The following PML variants were observed in gnomAD, a reference collection of about 807,000 sequenced individuals.
The protein encoded by PML is protein PML.
Under a neutral mutation model 65.2 loss-of-function variants are expected in PML, and 28 were observed. That is an observed-to-expected ratio of 0.43 (90% CI 0.32 to 0.59). The LOEUF is 0.59. Among genes scored for constraint, PML ranks in the 20% least tolerant of loss-of-function variants. The pLI, the probability that PML is intolerant of heterozygous loss-of-function variation, is 0.08. For synonymous variants in PML, 500 were observed against 508.8 expected (o/e 0.98, Z 0.23); for missense variants, 1,021 against 1,203.4 (o/e 0.85, Z 2.24).
At position 74,036,313 on chromosome 15, in the gene PML, G is replaced by A. The variant is rs573127760; in HGVS notation, c.1710+1783G>A. The A allele has an allele frequency of 5.6e-6, 8 of 1,437,106 alleles. No individual in the cohort carries two copies. The Admixed American group carries it at 1.6e-4, about 29-fold the overall frequency. 89.0% of individuals were successfully genotyped at this position (1,437,106 alleles called of 1,614,324 possible). A position where few individuals can be genotyped will look rare whatever the true frequency, so the allele number is the denominator to read the frequency against. On this transcript the variant is annotated intron_variant, in intron 7 of 8. Coordinates refer to ENST00000268058, the MANE Select transcript of PML (RefSeq NM_033238.3). ...AGCCTCTCCACTAGGCCTCTGCCAG[G>A]ATCTAAGCCCATGAGCACAGGGACT...
rs549868036 is a variant in PML, at chr15:74,039,116, A to AG, written c.1711-3868dup. Among the ~76,000 whole-genome samples the AG allele has an allele frequency of 2.4e-4, 36 of 152,274 alleles. 1 individual carries two copies. The South Asian group carries it at 7.5e-3, about 32-fold the overall frequency. ...GCAGCAACAGGAGGGGGCCAAGGTGAGGGGGCAGCCTGTGGCAGAAGTGGC... is the reference window on the plus strand; with the variant it reads ...GCAGCAACAGGAGGGGGCCAAGGTGAGGGGGGCAGCCTGTGGCAGAAGTGGC... On this transcript the variant is annotated intron_variant, in intron 7 of 8. Transcript: ENST00000268058.
intron 2 of PML, among the ~76,000 whole-genome samples, chr15:74,012,792 T>C (rs1203804371): frequency 6.6e-6 from 1 of 150,988 alleles, no homozygotes; most frequent in African/African-American, 2.4e-5. Flanking sequence ...GTATTTTGAT[T>C]GAGCTCTTAA....
At chr15:74,036,336 A>G (rs1385731575) in intron 7 of PML, 2 of 1,419,162 alleles carry the variant, frequency 1.4e-6, no homozygotes, top group South Asian at 1.5e-5. Context: ...GAGCACAGGG[A>G]CTGGCTATCC....
intron 7 of PML, among the ~76,000 whole-genome samples, chr15:74,038,120 T>C (rs767768668): frequency 6.6e-6 from 1 of 152,188 alleles, no homozygotes; most frequent in African/African-American, 2.4e-5. Context: ...TAAATTCCTC[T>C]GAAATCTGGG....
In PML at chr15:74,035,126, C is replaced by G; in HGVS notation, c.1710+596C>G. ...GAGTGAAAGGTTGGACTGGGTGGCC[C>G]CTGAGGTCTCTTCCAGCCCTCAGTC... On this transcript the variant is annotated intron_variant, in intron 7 of 8. Coordinates refer to ENST00000268058, the MANE Select transcript of PML (RefSeq NM_033238.3). The surrounding 1 kb of genome is among the most constrained non-coding windows in gnomAD (Gnocchi z 4.1). The G allele has an allele frequency of 8.8e-7, 1 of 1,134,988 alleles. No individual in the cohort carries two copies. Among genetic ancestry groups the G allele is most frequent in the Non-Finnish European group, 1.3e-6 (1 of 746,228 alleles). The allele number at this position is 1,134,988 out of a possible 1,614,324, so 70.3% of individuals were successfully genotyped here. A position where few individuals can be genotyped will look rare whatever the true frequency, so the allele number is the denominator to read the frequency against.
rs185864498 is a variant in PML, at chr15:74,020,481, A to T, written c.603-2347A>T. Among the ~76,000 whole-genome samples the T allele has an allele frequency of 2.0e-5, 3 of 152,014 alleles. No homozygotes were observed. In the East Asian group the frequency reaches 5.8e-4, roughly 29 times the overall value. On this transcript the variant is annotated intron_variant, in intron 2 of 8. Coordinates refer to ENST00000268058, the MANE Select transcript of PML (RefSeq NM_033238.3). Reference sequence around the variant, plus strand: ...TTATCACTGCCGGTGAGAGTAAATTACAGCAATATTTCTGGGGAACTAACA... The same window carrying T: ...TTATCACTGCCGGTGAGAGTAAATTTCAGCAATATTTCTGGGGAACTAACA...
At chr15:74,034,627 C>G in intron 7 of PML, 97 bp downstream of exon 7, 1 of 1,612,924 alleles carries the variant, frequency 6.2e-7, no homozygotes, top group Non-Finnish European at 8.5e-7. Context: ...ACTTGCCTTG[C>G]GCCTGGGGAA....
In PML at chr15:74,035,568, A is replaced by G; in HGVS notation, c.1710+1038A>G. Reference sequence around the variant, plus strand: ...CACTCCTGCCATCACAGGGCCCCTCAACCATCCTGCCAATGCCCAGGAACA... The same window carrying G: ...CACTCCTGCCATCACAGGGCCCCTCGACCATCCTGCCAATGCCCAGGAACA... On this transcript the variant is annotated intron_variant, in intron 7 of 8. Transcript: ENST00000268058. This position sits in a 1 kb window ranked among gnomAD's most constrained non-coding sequence, Gnocchi z 4.1. 6.2e-7 allele frequency: 1 copy of G among 1,611,306 alleles called. No individual in the cohort carries two copies.
rs968254505 is a variant in PML, at chr15:74,047,192, C to T, written c.*2184C>T. ...TTCCTTGAGTGACAGGTGGTAAAAC[C>T]CTTAAAAAGGGAGGTGTGGGAGGCC... On this transcript the variant is annotated 3_prime_UTR_variant, in exon 9 of 9. Transcript: ENST00000268058. 3.9e-5 allele frequency: 9 copies of T among 231,020 alleles called. No homozygotes were observed. The highest frequency in any genetic ancestry group is 1.8e-4 in the African/African-American group (8 of 45,202). The allele number at this position is 231,020 out of a possible 1,614,324, so 14.3% of individuals were successfully genotyped here.
Position 74,046,484 on chromosome 15 carries a change from C to A in PML, c.*1476C>A, listed in dbSNP as rs932259537. 5 of 232,750 alleles carry A rather than the reference C, an allele frequency of 2.1e-5. No individual in the cohort carries two copies. The highest frequency in any genetic ancestry group is 1.1e-4 in the African/African-American group (5 of 45,306). The allele number at this position is 232,750 out of a possible 1,614,324, so 14.4% of individuals were successfully genotyped here. On this transcript the variant is annotated 3_prime_UTR_variant, in exon 9 of 9. Coordinates refer to ENST00000268058, the MANE Select transcript of PML (RefSeq NM_033238.3). Reference sequence around the variant, plus strand: ...ATACTGCAGCCCCATCCCATGGGGCCCCTGAAGACCCACTGAGGAATTCCG... The same window carrying A: ...ATACTGCAGCCCCATCCCATGGGGCACCTGAAGACCCACTGAGGAATTCCG...
intron 2 of PML, among the ~76,000 whole-genome samples, chr15:74,007,198 C>T (rs1783986646): frequency 6.6e-6 from 1 of 152,142 alleles, no homozygotes; most frequent in African/African-American, 2.4e-5. Context: ...GAGCAAAGAG[C>T]GTAAGAGTCA....
chr15:74,040,472 A>G (rs570919431), intron 7 of PML, among the ~76,000 whole-genome samples: 1 of 152,268 alleles, frequency 6.6e-6, no homozygotes, highest in South Asian at 2.1e-4. Flanking sequence ...AATAAGGCCA[A>G]GGTGTGGGGC....
chr15:74,044,538 A>C lies in PML; in HGVS notation c.2179A>C (p.Lys727Gln). ...RVPGASSFKLKNLAQTYLARN... is the reference protein window; with the variant it reads ...RVPGASSFKLQNLAQTYLARN... Reference sequence around the variant, plus strand: ...GCCCGGGGCCAGCAGCTTCAAACTCAAGAACCTGGCCCAGACCTACCTGGC... The same window carrying C: ...GCCCGGGGCCAGCAGCTTCAAACTCCAGAACCTGGCCCAGACCTACCTGGC... Residue 727 changes from lysine to glutamine, a missense_variant, in exon 9 of 9, where the codon AAG becomes CAG. Coordinates refer to ENST00000268058, the MANE Select transcript of PML (RefSeq NM_033238.3). The C allele has an allele frequency of 6.2e-7, 1 of 1,613,660 alleles. No homozygotes were observed. The highest frequency in any genetic ancestry group is 8.5e-7 in the Non-Finnish European group (1 of 1,179,992).
Position 74,023,157 on chromosome 15 carries a change from A to T in PML, c.932A>T (p.Glu311Val). 2 of 1,605,246 alleles carry T rather than the reference A, an allele frequency of 1.2e-6. No individual in the cohort carries two copies. The highest frequency in any genetic ancestry group is 2.2e-5 in the South Asian group (2 of 90,948). ...GCGCGGTACCAGCGCGACTACGAGG[A>T]GATGGCCAGTCGGCTGGGCCGCCTG... ...VDARYQRDYE[E>V]MASRLGRLDA... The change falls in exon 3 of 9, where the codon GAG (glutamate) becomes GTG (valine). Residue 311 changes from glutamate (E) to valine (V), a missense_variant. Coordinates refer to ENST00000268058, the MANE Select transcript of PML (RefSeq NM_033238.3).
At chr15:74,007,231 T>C (rs930080715) in intron 2 of PML, among the ~76,000 whole-genome samples, 1 of 152,228 alleles carries the variant, frequency 6.6e-6, no homozygotes, top group East Asian at 1.9e-4. Context: ...TTTTTAGTCA[T>C]GAGAGAAGCT....
At chr15:74,000,749 T>G (rs2069724416) in intron 2 of PML, among the ~76,000 whole-genome samples, 1 of 152,222 alleles carries the variant, frequency 6.6e-6, no homozygotes, top group African/African-American at 2.4e-5. Context: ...TTTTTTCGCC[T>G]GAATATTTTT....
chr15:74,034,366 A>G (rs1169480052), intron 6 of PML, 112 bp from the exon 7 acceptor site: 16 of 1,390,614 alleles, frequency 1.2e-5, no homozygotes, highest in Non-Finnish European at 1.4e-5. Flanking sequence ...CCTGCAGGGC[A>G]TCCGTTTCCC....
intron 2 of PML, among the ~76,000 whole-genome samples, chr15:74,007,068 A>AG: frequency 6.6e-6 from 1 of 152,318 alleles, no homozygotes; most frequent in East Asian, 1.9e-4. Flanking sequence ...TAATGGAGTA[A>AG]GGTTTGTTTG....
At chr15:73,995,701 CT>C in intron 1 of PML, among the ~76,000 whole-genome samples, 1 of 152,110 alleles carries the variant, frequency 6.6e-6, no homozygotes, top group Non-Finnish European at 1.5e-5. Context: ...GTATTAAGCA[CT>C]TTGGTTTTTT....
Sources: allele counts gnomAD v4.1 joint callset (sites outside exome capture counted in the v4.1 genomes callset), GRCh38; gene constraint gnomAD v4.1.1; non-coding constraint Gnocchi (gnomAD v3.1); transcripts MANE v1.5; gene names NCBI Gene and HGNC (gene_info 2026-07-23, HGNC 2026-07-21).